Variants in PTPRG observed in about 807,000 individuals in gnomAD.
The protein encoded by PTPRG is receptor-type tyrosine-protein phosphatase gamma.
A neutral mutation model predicts 165.3 loss-of-function variants in PTPRG; 102 were observed. The ratio of observed to expected loss-of-function variants is 0.62; its 90% confidence interval spans 0.53 to 0.73. PTPRG has a LOEUF of 0.73. Among genes scored for constraint, PTPRG ranks in the 30% least tolerant of loss-of-function variants. PTPRG has a pLI of 0.00. For synonymous variants in PTPRG, 675 were observed against 669.5 expected (o/e 1.01, Z -0.13); for missense variants, 1,866 against 1,861.4 (o/e 1.00, Z -0.05).
chr3:61,905,416 C>G (rs2038617809), intron 2 of PTPRG, among the ~76,000 whole-genome samples: 1 of 152,068 alleles, frequency 6.6e-6, no homozygotes, highest in African/African-American at 2.4e-5. Flanking sequence ...GGATCACTTC[C>G]CCTTCCATCT....
At chr3:61,605,527 A>T in intron 1 of PTPRG, among the ~76,000 whole-genome samples, 1 of 151,812 alleles carries the variant, frequency 6.6e-6, no homozygotes, top group East Asian at 1.9e-4. Context: ...AAGTGCTAGG[A>T]TTACAGGTGT....
In PTPRG at chr3:62,281,544, T is replaced by TTTTTTTTTTTTTTTTTTTTTTTTG; in HGVS notation, c.3766-12_3766-11insTTTTTTTTTTTTTTTTGTTTTTTT. The TTTTTTTTTTTTTTTTTTTTTTTTG allele has an allele frequency of 7.3e-7, 1 of 1,367,926 alleles. No homozygotes were observed. The highest frequency in any genetic ancestry group is 9.8e-7 in the Non-Finnish European group (1 of 1,023,234). The allele number at this position is 1,367,926 out of a possible 1,614,324, so 84.7% of individuals were successfully genotyped here. The stretch of plus-strand genomic sequence containing the variant: ...CTTGACAGAACTGCAGAGGCTTTTT[T>TTTTTTTTTTTTTTTTTTTTTTTTG]TTTTTTTGGATTCCAAAGGCAGAAG... On this transcript the variant is annotated intron_variant, in intron 26 of 29. Transcript: ENST00000474889.
At chr3:62,026,787 G>T (rs1300501373) in intron 4 of PTPRG, among the ~76,000 whole-genome samples, 1 of 149,622 alleles carries the variant, frequency 6.7e-6, no homozygotes, top group Non-Finnish European at 1.5e-5. Flanking sequence ...TCAGGAGTCT[G>T]AGGCAGGAGA....
intron 3 of PTPRG, among the ~76,000 whole-genome samples, chr3:61,991,338 T>A (rs1004356575): frequency 6.6e-6 from 1 of 152,224 alleles, no homozygotes; most frequent in African/African-American, 2.4e-5. Flanking sequence ...CCCAAGTAGC[T>A]GGGATTACAG....
intron 7 of PTPRG, among the ~76,000 whole-genome samples, chr3:62,159,276 A>C (rs376934300): frequency 1.3e-5 from 2 of 152,106 alleles, no homozygotes; most frequent in African/African-American, 4.8e-5. Flanking sequence ...GGCTGCAGTG[A>C]ACTGTGATCA....
rs1700793497 is a variant in PTPRG at position 61,599,619 on chromosome 3, A to G, written c.85+37247A>G. ...GTGGTCCTCCCAACTTAGGTTCCCAAGTAGCGGGGACTACAGGTGCACACC... is the reference window on the plus strand; with the variant it reads ...GTGGTCCTCCCAACTTAGGTTCCCAGGTAGCGGGGACTACAGGTGCACACC... On this transcript the variant is annotated intron_variant, in intron 1 of 29. Transcript: ENST00000474889. 1.3e-5 allele frequency among the ~76,000 whole-genome samples: 2 copies of G among 151,542 alleles called. 1 individual carries two copies. The highest frequency in any genetic ancestry group is 4.2e-4 in the South Asian group (2 of 4,802).
chr3:61,763,037 TC>T (rs2033903686), intron 2 of PTPRG, among the ~76,000 whole-genome samples: 1 of 152,120 alleles, frequency 6.6e-6, no homozygotes, highest in African/African-American at 2.4e-5. Context: ...AACATGTTCT[TC>T]AAAGCATCCC....
chr3:61,804,234 G>A (rs2035341659), intron 2 of PTPRG, among the ~76,000 whole-genome samples: 1 of 152,144 alleles, frequency 6.6e-6, no homozygotes, highest in Non-Finnish European at 1.5e-5. Context: ...GGTCTCCATT[G>A]TTGTTTAAGA....
At chr3:61,776,476 T>A (rs1330867846) in intron 2 of PTPRG, among the ~76,000 whole-genome samples, 1 of 152,212 alleles carries the variant, frequency 6.6e-6, no homozygotes, top group Non-Finnish European at 1.5e-5. Context: ...AGAACCCGTT[T>A]GTGTCTGTTG....
At chr3:61,845,125 A>C (rs652936) in intron 2 of PTPRG, among the ~76,000 whole-genome samples, 1 of 152,172 alleles carries the variant, frequency 6.6e-6, no homozygotes, top group Non-Finnish European at 1.5e-5. Context: ...CCAGCAACCT[A>C]CCTTAAGCAT....
chr3:61,877,340 G>C (rs960238243), intron 2 of PTPRG, among the ~76,000 whole-genome samples: 7 of 152,174 alleles, frequency 4.6e-5, no homozygotes, highest in African/African-American at 1.4e-4. Flanking sequence ...AGATGTTTGA[G>C]AATGCTGGCC....
At position 61,687,978 on chromosome 3, in the gene PTPRG, C is replaced by G. The variant is rs141421529; in HGVS notation, c.86-60900C>G. Among the ~76,000 whole-genome samples the G allele has an allele frequency of 9.8e-4, 150 of 152,334 alleles. No homozygotes were observed. In the East Asian group the frequency reaches 0.021, roughly 22 times the overall value. ...TCTAGAAAAGGAATCGCGTACCCAG[C>G]TTTTCCAAGTTTCTTAGCAAAATTC... On this transcript the variant is annotated intron_variant, in intron 1 of 29. Coordinates refer to ENST00000474889, the MANE Select transcript of PTPRG (RefSeq NM_002841.4).
At chr3:62,125,268 G>C (rs1455969806) in intron 5 of PTPRG, among the ~76,000 whole-genome samples, 1 of 152,116 alleles carries the variant, frequency 6.6e-6, no homozygotes, top group Admixed American at 6.5e-5. Context: ...TTCAAAAGAA[G>C]GATCAACCTG....
At chr3:62,175,382 G>C (rs1705379456) in intron 8 of PTPRG, among the ~76,000 whole-genome samples, 1 of 152,206 alleles carries the variant, frequency 6.6e-6, no homozygotes, top group Non-Finnish European at 1.5e-5. Context: ...TTGGGAGGTA[G>C]AGGTGAGCAG....
chr3:62,182,104 G>A (rs146995339), intron 8 of PTPRG, among the ~76,000 whole-genome samples: 4 of 152,154 alleles, frequency 2.6e-5, no homozygotes, highest in Non-Finnish European at 5.9e-5. Flanking sequence ...TGTATTTACT[G>A]TTCATTAAAT....
intron 4 of PTPRG, among the ~76,000 whole-genome samples, chr3:62,042,906 A>G (rs1700174652): frequency 6.6e-6 from 1 of 152,202 alleles, no homozygotes; most frequent in African/African-American, 2.4e-5. Flanking sequence ...CAGGATAGGA[A>G]TTAGGGTTGT....
chr3:61,965,244 C>CAA (rs57335330), intron 2 of PTPRG, among the ~76,000 whole-genome samples: 31,287 of 134,506 alleles, frequency 0.23, 3,917 homozygotes, highest in East Asian at 0.49. Flanking sequence ...AACTCTGTCT[C>CAA]AAAAAAAAAA....
intron 5 of PTPRG, among the ~76,000 whole-genome samples, chr3:62,095,711 C>T (rs1702086747): frequency 6.6e-6 from 1 of 152,058 alleles, no homozygotes; most frequent in South Asian, 2.1e-4. Flanking sequence ...GGGAAAAAGA[C>T]ATTGATTGCT....
In PTPRG at chr3:61,989,656, T is replaced by A. The variant is rs1215837232; in HGVS notation, c.222T>A (p.Ser74=). ...GAYGPEHWVT[S]SVSCGGRHQS... is the part of the protein sequence containing the mutation. ...ATGGTCCTGAGCACTGGGTCACGTCTAGTGTCAGCTGTGGGGGCCGTCACC... is the reference window on the plus strand; with the variant it reads ...ATGGTCCTGAGCACTGGGTCACGTCAAGTGTCAGCTGTGGGGGCCGTCACC... Residue 74 remains serine (S), a synonymous_variant, in exon 3 of 30, where the codon TCT becomes TCA. Coordinates refer to ENST00000474889, the MANE Select transcript of PTPRG (RefSeq NM_002841.4). 1.2e-6 allele frequency: 2 copies of A among 1,614,126 alleles called. No individual in the cohort carries two copies. Among genetic ancestry groups the A allele is most frequent in the East Asian group, 2.2e-5 (1 of 44,880 alleles).
Sources: gnomAD v4.1 joint callset for allele counts (sites outside exome capture counted in the v4.1 genomes callset) on GRCh38, gnomAD v4.1.1 for gene constraint, MANE v1.5 for transcripts, NCBI Gene and HGNC (gene_info 2026-07-23, HGNC 2026-07-21) for gene names.